SAXO1: variants seen among roughly 807,000 people sequenced by gnomAD.
SAXO1 encodes stabilizer of axonemal microtubules 1.
A neutral mutation model predicts 17.5 loss-of-function variants in SAXO1; 21 were observed. That is an observed-to-expected ratio of 1.20 (90% confidence interval 0.85 to 1.72). The LOEUF (loss-of-function observed/expected upper bound fraction) is 1.72. Among genes scored for constraint, SAXO1 ranks in the 40% most tolerant of loss-of-function variants. The probability of loss-of-function intolerance (pLI) is 0.00; values close to 1 mark genes in which losing one functional copy is unlikely to be tolerated. For synonymous variants in SAXO1, 274 were observed against 216.5 expected (o/e 1.27, Z -2.33); for missense variants, 843 against 596.0 (o/e 1.41, Z -4.32).
chr9:18,952,718 T>A (rs1324186217), intron 1 of SAXO1, among the ~76,000 whole-genome samples: 2 of 152,240 alleles, frequency 1.3e-5, no homozygotes, highest in Non-Finnish European at 2.9e-5. Context: ...CCTCATCATG[T>A]ACAAGGAAAA....
At chr9:19,020,020 A>AT (rs1385942472) in intron 1 of SAXO1, among the ~76,000 whole-genome samples, 5 of 114,370 alleles carry the variant, frequency 4.4e-5, no homozygotes, top group Non-Finnish European at 8.1e-5. Context: ...AGCAGGTATT[A>AT]TTAAAAAAAA....
intron 1 of SAXO1, among the ~76,000 whole-genome samples, chr9:19,000,339 T>C (rs529124883): frequency 2.1e-5 from 3 of 144,794 alleles, no homozygotes; most frequent in Non-Finnish European, 4.5e-5. Flanking sequence ...CACCACCCTG[T>C]CTGGGAAGTG....
chr9:18,983,787 A>G (rs532902504), intron 1 of SAXO1, among the ~76,000 whole-genome samples: 2 of 152,210 alleles, frequency 1.3e-5, no homozygotes, highest in Admixed American at 1.3e-4. Flanking sequence ...TTTTCACCCC[A>G]CTCCCACGAA....
chr9:19,041,976 C>A (rs1836089412), intron 1 of SAXO1, among the ~76,000 whole-genome samples: 1 of 151,822 alleles, frequency 6.6e-6, no homozygotes, highest in Non-Finnish European at 1.5e-5. Flanking sequence ...TTCTACACAG[C>A]AATAGAAACA....
intron 1 of SAXO1, among the ~76,000 whole-genome samples, chr9:19,001,036 T>G (rs1489646269): frequency 6.6e-6 from 1 of 151,986 alleles, no homozygotes; most frequent in Non-Finnish European, 1.5e-5. Flanking sequence ...CAACGAGATC[T>G]GTCTAATTAA....
intron 1 of SAXO1, among the ~76,000 whole-genome samples, chr9:19,010,369 T>A (rs1454927216): frequency 3.3e-5 from 5 of 151,862 alleles, no homozygotes; most frequent in Admixed American, 3.3e-4. Context: ...TCCATCAAGC[T>A]CCCTTCTGAT....
intron 2 of SAXO1, among the ~76,000 whole-genome samples, chr9:18,942,268 C>G (rs142911374): frequency 3.9e-5 from 6 of 152,336 alleles, no homozygotes; most frequent in African/African-American, 1.4e-4. Context: ...CAGTTTAAAA[C>G]TCTTCCAGGT....
intron 1 of SAXO1, among the ~76,000 whole-genome samples, chr9:18,987,841 G>A (rs1182499204): frequency 6.6e-6 from 1 of 150,898 alleles, no homozygotes; most frequent in Non-Finnish European, 1.5e-5. Context: ...AGGCTGCAGT[G>A]AGCAGAGATG....
At chr9:19,025,193 T>C (rs1003670807) in intron 1 of SAXO1, among the ~76,000 whole-genome samples, 2 of 152,194 alleles carry the variant, frequency 1.3e-5, no homozygotes, top group African/African-American at 4.8e-5. Context: ...AAGTTTTTCT[T>C]TTTTTTCTTG....
chr9:19,047,016 C>A (rs1054549134), intron 1 of SAXO1, among the ~76,000 whole-genome samples: 3 of 152,100 alleles, frequency 2.0e-5, no homozygotes, highest in African/African-American at 2.4e-5. Context: ...GTGAAACCCC[C>A]TCTCTACTAA....
intron 1 of SAXO1, among the ~76,000 whole-genome samples, chr9:19,029,551 C>T (rs111977398): frequency 3.3e-4 from 50 of 152,138 alleles, no homozygotes; most frequent in Non-Finnish European, 1.2e-4. Context: ...CCATCCCAAC[C>T]GGTCACTGAG....
At chr9:18,944,253 T>G (rs10757006) in intron 2 of SAXO1, among the ~76,000 whole-genome samples, 74,437 of 152,088 alleles carry the variant, frequency 0.49, 21,103 homozygotes, top group Non-Finnish European at 0.62. Flanking sequence ...ATTTTAAAGT[T>G]TGACTTTTTT....
At chr9:19,036,615 G>A (rs779257021), upstream of SAXO1, among the ~76,000 whole-genome samples, 8 of 152,150 alleles carry the variant, frequency 5.3e-5, no homozygotes, top group Non-Finnish European at 8.8e-5. Context: ...GGCAGCTTCC[G>A]CATGGTGTTA....
At chr9:19,025,136 C>A (rs1835419387) in intron 1 of SAXO1, among the ~76,000 whole-genome samples, 1 of 152,142 alleles carries the variant, frequency 6.6e-6, no homozygotes, top group South Asian at 2.1e-4. Context: ...CATAGCTTAA[C>A]ATGAAAAGTA....
chr9:19,031,600 T>C (rs567657058), intron 1 of SAXO1, among the ~76,000 whole-genome samples: 15 of 152,300 alleles, frequency 9.8e-5, no homozygotes, highest in African/African-American at 3.6e-4. Flanking sequence ...AAAAAAGGTT[T>C]TGCTTGGTAA....
chr9:18,994,453 G>A (rs1003658056), intron 1 of SAXO1, among the ~76,000 whole-genome samples: 3 of 152,118 alleles, frequency 2.0e-5, no homozygotes, highest in East Asian at 1.9e-4. Flanking sequence ...TTTATACTAC[G>A]TGCTCACTGG....
intron 1 of SAXO1, among the ~76,000 whole-genome samples, chr9:18,999,216 A>G (rs1235819332): frequency 6.6e-6 from 1 of 152,268 alleles, no homozygotes; most frequent in East Asian, 1.9e-4. Context: ...AACCCATCTT[A>G]GGTGGAAAGA....
At chr9:18,933,619 G>T (rs1563925646) in intron 3 of SAXO1, among the ~76,000 whole-genome samples, 1 of 152,060 alleles carries the variant, frequency 6.6e-6, no homozygotes, top group African/African-American at 2.4e-5. Context: ...AATGTATTTT[G>T]CCTTCATTAT....
intron 1 of SAXO1, among the ~76,000 whole-genome samples, chr9:19,025,779 AT>A (rs35364327): frequency 6.6e-6 from 1 of 152,174 alleles, no homozygotes; most frequent in Non-Finnish European, 1.5e-5. Context: ...TTCATTAACA[AT>A]TTTTTACAAG....
Sources: gnomAD v4.1 joint callset for allele counts (sites outside exome capture counted in the v4.1 genomes callset) on GRCh38, gnomAD v4.1.1 for gene constraint, MANE v1.5 for transcripts, NCBI Gene and HGNC (gene_info 2026-07-23, HGNC 2026-07-21) for gene names.